Variants in TMEM163 observed in about 807,000 individuals in gnomAD.
TMEM163 encodes transmembrane protein 163.
Under a neutral mutation model 29.3 loss-of-function variants are expected in TMEM163, and 17 were observed. The observed-to-expected ratio is 0.58, with a 90% CI of 0.40 to 0.87. The LOEUF is 0.87. TMEM163 is among the 40% of genes least tolerant of loss of function. The pLI, the probability that TMEM163 is intolerant of heterozygous loss-of-function variation, is 0.00. For synonymous variants in TMEM163, 157 were observed against 160.6 expected (o/e 0.98, Z 0.17); for missense variants, 303 against 381.5 (o/e 0.79, Z 1.71).
intron 6 of TMEM163, among the ~76,000 whole-genome samples, chr2:134,464,950 C>A (rs1448125230): frequency 5.9e-5 from 9 of 152,162 alleles, no homozygotes; most frequent in African/African-American, 2.2e-4. Flanking sequence ...ATGCTCCGTC[C>A]TGCGGGTGAG....
At chr2:134,568,673 A>C (rs1681354845) in intron 2 of TMEM163, among the ~76,000 whole-genome samples, 1 of 151,400 alleles carries the variant, frequency 6.6e-6, no homozygotes. Context: ...GGAAGGAAAG[A>C]AGGAAAGAAA....
chr2:134,580,634 G>A (rs767341603), intron 2 of TMEM163, among the ~76,000 whole-genome samples: 1 of 152,178 alleles, frequency 6.6e-6, no homozygotes. Flanking sequence ...CCTAGAGGCC[G>A]GGCGCAGTGG....
At chr2:134,617,328 T>C (rs986989066) in intron 2 of TMEM163, among the ~76,000 whole-genome samples, 4 of 152,126 alleles carry the variant, frequency 2.6e-5, no homozygotes, top group African/African-American at 7.2e-5. Context: ...TCAGAGGAAT[T>C]GGCCAGGTGC....
At chr2:134,509,083 A>G (rs1363737363) in intron 4 of TMEM163, among the ~76,000 whole-genome samples, 2 of 152,230 alleles carry the variant, frequency 1.3e-5, no homozygotes, top group Non-Finnish European at 2.9e-5. Context: ...GACAAAAGTC[A>G]GCATGAGGAA....
chr2:134,560,513 C>T (rs1393873599), intron 2 of TMEM163, among the ~76,000 whole-genome samples: 1 of 152,192 alleles, frequency 6.6e-6, no homozygotes, highest in African/African-American at 2.4e-5. Context: ...AGAAGCCCTT[C>T]CCTGAGCAAA....
intron 2 of TMEM163, among the ~76,000 whole-genome samples, chr2:134,668,881 G>A (rs186326489): frequency 4.9e-4 from 74 of 152,252 alleles, no homozygotes; most frequent in Middle Eastern, 3.4e-3. Context: ...TGCCCAGTGC[G>A]GTCATTTCTC....
chr2:134,657,683 A>G (rs544054653), intron 2 of TMEM163, among the ~76,000 whole-genome samples: 10 of 152,186 alleles, frequency 6.6e-5, no homozygotes, highest in Admixed American at 2.6e-4. Flanking sequence ...CATGCCTGTA[A>G]TCCGAGCTAC....
chr2:134,610,188 C>T (rs548116738), intron 2 of TMEM163, among the ~76,000 whole-genome samples: 1 of 152,218 alleles, frequency 6.6e-6, no homozygotes, highest in Non-Finnish European at 1.5e-5. Context: ...CGGATGGACC[C>T]TCATCCCCTA....
chr2:134,606,762 A>G (rs570068612), intron 2 of TMEM163, among the ~76,000 whole-genome samples: 30 of 152,380 alleles, frequency 2.0e-4, no homozygotes, highest in East Asian at 1.2e-3. Context: ...GGGTGGCCAC[A>G]GCACTGAATG....
chr2:134,476,005 C>T (rs1686904638), intron 5 of TMEM163, among the ~76,000 whole-genome samples: 3 of 152,168 alleles, frequency 2.0e-5, no homozygotes, highest in Admixed American at 2.0e-4. Context: ...CATACGTCCA[C>T]ACGAAGACTT....
chr2:134,543,484 A>G (rs1180923925), intron 4 of TMEM163, among the ~76,000 whole-genome samples: 2 of 152,224 alleles, frequency 1.3e-5, no homozygotes, highest in Admixed American at 1.3e-4. Flanking sequence ...AGAGCCTCTG[A>G]TTTAGGGCCA....
intron 2 of TMEM163, among the ~76,000 whole-genome samples, chr2:134,666,201 A>G (rs1683869443): frequency 6.6e-6 from 1 of 152,020 alleles, no homozygotes; most frequent in Non-Finnish European, 1.5e-5. Context: ...TGGGGCTCAC[A>G]ACAGCCGACT....
chr2:134,717,802 C>A (rs1255803130), intron 1 of TMEM163, among the ~76,000 whole-genome samples: 1 of 152,198 alleles, frequency 6.6e-6, no homozygotes, highest in Non-Finnish European at 1.5e-5. Flanking sequence ...AGAAAAGGTG[C>A]AGACGCGGCC....
chr2:134,574,143 G>C (rs1483423354), intron 2 of TMEM163, among the ~76,000 whole-genome samples: 2 of 152,234 alleles, frequency 1.3e-5, no homozygotes, highest in African/African-American at 4.8e-5. Context: ...CACCGTAGCA[G>C]CACATCCTTA....
At chr2:134,709,158 G>T (rs1032582785) in intron 2 of TMEM163, among the ~76,000 whole-genome samples, 1 of 152,092 alleles carries the variant, frequency 6.6e-6, no homozygotes, top group African/African-American at 2.4e-5. Flanking sequence ...TCTCTTTCTA[G>T]CTTCATTATT....
At chr2:134,457,101 A>C (rs890037773) in intron 7 of TMEM163, among the ~76,000 whole-genome samples, 23 of 152,242 alleles carry the variant, frequency 1.5e-4, no homozygotes, top group African/African-American at 5.5e-4. Context: ...AGGTCCATCT[A>C]TGTTGGAGCG....
At position 134,535,741 on chromosome 2, in the gene TMEM163, T is replaced by G. The variant is rs139960105; in HGVS notation, c.458+14829A>C. Among the ~76,000 whole-genome samples the G allele has an allele frequency of 5.7e-3, 863 of 152,108 alleles. 23 individuals are homozygous for G. Among genetic ancestry groups the G allele is most frequent in the Admixed American group, 0.036 (550 of 15,274 alleles). ...GGTTTTTTTTTTTGTTTGTTTGTTT[T>G]TTTTGAGGCCGAGTCTCTGTTGCCC... On this transcript the variant is annotated intron_variant, in intron 4 of 7. Transcript: ENST00000281924.
At chr2:134,479,087 G>A in intron 5 of TMEM163, among the ~76,000 whole-genome samples, 1 of 152,178 alleles carries the variant, frequency 6.6e-6, no homozygotes, top group East Asian at 1.9e-4. Context: ...GCCCTCACAA[G>A]ACACCAAATC....
chr2:134,718,770 C>T lies in TMEM163; in HGVS notation c.166G>A (p.Glu56Lys). Residue 56 changes from glutamate (E) to lysine (K), a missense_variant, in exon 1 of 8, where the codon GAG (glutamate) becomes AAG (lysine). Physicochemically the swap from Glu to Lys is moderately conservative, Grantham distance 56 (BLOSUM62 1). Around this residue, in one of 2 missense-constraint regions of TMEM163, gnomAD observed 100 missense variants for 87.2 expected, o/e 1.15. Transcript: ENST00000281924. ...AGCCCGTCGCTGAACTGGCCGCTCT[C>T]GCTGATCCGCACCTGCCGCTCCTCC... ...LEEERQVRIS[E>K]SGQFSDGLED... The T allele has an allele frequency of 1.7e-6, 2 of 1,153,752 alleles. No individual in the cohort carries two copies. Among genetic ancestry groups the T allele is most frequent in the Non-Finnish European group, 2.1e-6 (2 of 938,068 alleles). The allele number at this position is 1,153,752 out of a possible 1,614,324, so 71.5% of individuals were successfully genotyped here. A position where few individuals can be genotyped will look rare whatever the true frequency, so the allele number is the denominator to read the frequency against.
Sources: allele counts gnomAD v4.1 joint callset (sites outside exome capture counted in the v4.1 genomes callset), GRCh38; gene constraint gnomAD v4.1.1; regional missense constraint gnomAD v4.1.1; transcripts MANE v1.5; gene names NCBI Gene and HGNC (gene_info 2026-07-23, HGNC 2026-07-21).